Variants in FAM107B observed in about 807,000 individuals in gnomAD.
FAM107B encodes protein FAM107B.
FAM107B carries 21 observed loss-of-function variants against 31.5 expected under a neutral mutation model. The observed-to-expected ratio is 0.67, with a 90% CI of 0.47 to 0.96. FAM107B has a LOEUF of 0.96. Among genes scored for constraint, FAM107B ranks in the 40% least tolerant of loss-of-function variants. FAM107B has a pLI of 0.00. For synonymous variants in FAM107B, 157 were observed against 141.5 expected (o/e 1.11, Z -0.78); for missense variants, 452 against 377.1 (o/e 1.20, Z -1.64).
At chr10:14,685,708 G>A (rs1014157737) in intron 1 of FAM107B, among the ~76,000 whole-genome samples, 7 of 152,148 alleles carry the variant, frequency 4.6e-5, no homozygotes, top group South Asian at 4.1e-4. Context: ...TACTTGGAGC[G>A]TTTGTAAGAA....
intron 1 of FAM107B, among the ~76,000 whole-genome samples, chr10:14,719,726 G>A (rs1588728740): frequency 6.6e-6 from 1 of 151,744 alleles, no homozygotes; most frequent in South Asian, 2.1e-4. Flanking sequence ...CAGTGGCTGT[G>A]TCTCCACTGT....
At chr10:14,584,468 G>A (rs1316263602) in intron 2 of FAM107B, among the ~76,000 whole-genome samples, 1 of 152,216 alleles carries the variant, frequency 6.6e-6, no homozygotes, top group Admixed American at 6.5e-5. Flanking sequence ...AAACAAAAAA[G>A]TCTCAAAACA....
intron 1 of FAM107B, among the ~76,000 whole-genome samples, chr10:14,759,217 T>C (rs1832992918): frequency 6.6e-6 from 1 of 151,218 alleles, no homozygotes; most frequent in Admixed American, 6.6e-5. Flanking sequence ...AATAAATAAA[T>C]AAATAAAAAG....
At chr10:14,572,357 A>G in intron 2 of FAM107B, 1 of 985,346 alleles carries the variant, frequency 1.0e-6, no homozygotes, top group Middle Eastern at 5.2e-4. Flanking sequence ...AGGTTGCAAC[A>G]CTCACACAAC....
At chr10:14,742,401 A>G (rs889449894) in intron 1 of FAM107B, among the ~76,000 whole-genome samples, 1 of 151,726 alleles carries the variant, frequency 6.6e-6, no homozygotes, top group African/African-American at 2.4e-5. Flanking sequence ...TACAGGTGTG[A>G]GCCACCACAC....
chr10:14,543,046 T>C (rs1286529472), intron 2 of FAM107B, among the ~76,000 whole-genome samples: 2 of 152,232 alleles, frequency 1.3e-5, no homozygotes, highest in Non-Finnish European at 2.9e-5. Context: ...TTAAAATTGA[T>C]AAATTACACT....
At chr10:14,560,390 T>C (rs1433960963) in intron 2 of FAM107B, among the ~76,000 whole-genome samples, 3 of 152,160 alleles carry the variant, frequency 2.0e-5, no homozygotes, top group African/African-American at 7.2e-5. Context: ...AGAAGCAAGC[T>C]ATATGAAGCA....
chr10:14,718,155 T>C (rs948876108), intron 1 of FAM107B, among the ~76,000 whole-genome samples: 1 of 152,048 alleles, frequency 6.6e-6, no homozygotes, highest in Non-Finnish European at 1.5e-5. Flanking sequence ...GGTGAAACCC[T>C]GTCTCTACTA....
chr10:14,642,918 A>G (rs1853664218), intron 2 of FAM107B, among the ~76,000 whole-genome samples: 1 of 152,184 alleles, frequency 6.6e-6, no homozygotes. Context: ...CATTTCTGAG[A>G]CCTTGCCAGA....
chr10:14,553,858 C>T (rs1182749328), intron 2 of FAM107B, among the ~76,000 whole-genome samples: 3 of 152,120 alleles, frequency 2.0e-5, no homozygotes, highest in African/African-American at 7.2e-5. Flanking sequence ...GTTCTGAGGG[C>T]CAGAGAGGCT....
At chr10:14,562,409 GATA>G (rs1272168423) in intron 2 of FAM107B, among the ~76,000 whole-genome samples, 1 of 152,226 alleles carries the variant, frequency 6.6e-6, no homozygotes, top group Non-Finnish European at 1.5e-5. Context: ...AGAAGTCAGT[GATA>G]ATGTCTTCAA....
intron 2 of FAM107B, among the ~76,000 whole-genome samples, chr10:14,588,810 AG>A (rs1335831136): frequency 6.6e-6 from 1 of 152,118 alleles, no homozygotes; most frequent in African/African-American, 2.4e-5. Flanking sequence ...GGGAGTGAAA[AG>A]GAGGAAGAAG....
Position 14,718,851 on chromosome 10 carries a change from A to C in FAM107B, c.412-51160T>G, listed in dbSNP as rs142323217. On this transcript the variant is annotated intron_variant, in intron 1 of 4. Coordinates refer to ENST00000181796, the MANE Select transcript of FAM107B (RefSeq NM_031453.4). ...ATGAACAACAATATTAGGAATGCTA[A>C]CTTGGCTTTGAGTGTGCCTCTTCAC... 9.2e-3 allele frequency among the ~76,000 whole-genome samples: 1,399 copies of C among 152,330 alleles called. 10 individuals are homozygous for C. The highest frequency in any genetic ancestry group is 0.034 in the South Asian group (165 of 4,822).
chr10:14,578,687 A>G (rs1231336782), intron 2 of FAM107B, among the ~76,000 whole-genome samples: 1 of 152,242 alleles, frequency 6.6e-6, no homozygotes, highest in African/African-American at 2.4e-5. Context: ...CGGTCACAAG[A>G]AAGAATTATT....
At chr10:14,713,152 G>T (rs1490759144) in intron 1 of FAM107B, among the ~76,000 whole-genome samples, 1 of 152,134 alleles carries the variant, frequency 6.6e-6, no homozygotes, top group Non-Finnish European at 1.5e-5. Context: ...TTGCTGTAAT[G>T]GAGGATAATG....
intron 2 of FAM107B, among the ~76,000 whole-genome samples, chr10:14,626,210 A>G (rs1853157286): frequency 6.6e-6 from 1 of 152,212 alleles, no homozygotes; most frequent in Non-Finnish European, 1.5e-5. Context: ...TGGGATTTAC[A>G]GAGGACTCTC....
At chr10:14,742,588 G>A (rs1832638967) in intron 1 of FAM107B, among the ~76,000 whole-genome samples, 1 of 152,166 alleles carries the variant, frequency 6.6e-6, no homozygotes, top group Non-Finnish European at 1.5e-5. Context: ...TGCTGGATGA[G>A]TTATTTCTCT....
chr10:14,639,027 T>TA (rs895076055), intron 2 of FAM107B, among the ~76,000 whole-genome samples: 2 of 151,806 alleles, frequency 1.3e-5, no homozygotes, highest in African/African-American at 4.8e-5. Flanking sequence ...CCCATCTCTA[T>TA]AAAAAATTAA....
chr10:14,604,634 A>G lies in FAM107B; in HGVS notation c.469+63000T>C, dbSNP rs142674457. On this transcript the variant is annotated intron_variant, in intron 2 of 4. Transcript: ENST00000181796. ...CGGTGGGAGCGAGGGCTGGAGGGAA[A>G]GCGCGGCGGCCCCGGATGACCGGGA... 6.8e-3 allele frequency among the ~76,000 whole-genome samples: 1,029 copies of G among 151,548 alleles called. 14 individuals are homozygous for G. Among genetic ancestry groups the G allele is most frequent in the African/African-American group, 0.024 (994 of 41,374 alleles).
Sources: allele counts gnomAD v4.1 joint callset (sites outside exome capture counted in the v4.1 genomes callset), GRCh38; gene constraint gnomAD v4.1.1; transcripts MANE v1.5; gene names NCBI Gene and HGNC (gene_info 2026-07-23, HGNC 2026-07-21).